The following NFE2L3 variants were observed in gnomAD, a reference collection of about 807,000 sequenced individuals.
NFE2L3 encodes nuclear factor erythroid 2-related factor 3.
NFE2L3 carries 18 observed loss-of-function variants against 23.5 expected under a neutral mutation model. That is an observed-to-expected ratio of 0.77 (90% CI 0.53 to 1.13). The LOEUF (loss-of-function observed/expected upper bound fraction) is 1.13. Among genes scored for constraint, NFE2L3 ranks in the 50% most tolerant of loss-of-function variants. NFE2L3 has a pLI of 0.00. For synonymous variants in NFE2L3, 424 were observed against 354.5 expected (o/e 1.20, Z -2.20); for missense variants, 1,152 against 877.2 (o/e 1.31, Z -3.96).
chr7:26,177,906 C>G (rs1784442971), intron 1 of NFE2L3, 37 bp from the exon 2 acceptor site: 3 of 1,577,296 alleles, frequency 1.9e-6, no homozygotes, highest in Non-Finnish European at 2.6e-6. Context: ...GTTTTAAAGA[C>G]TGTTTGCTTA....
Position 26,185,746 on chromosome 7 carries a change from G to C in NFE2L3, c.2048G>C (p.Gly683Ala). Reference protein sequence around the residue: ...LIVPKELVASGHKKETQKGKR... With the variant: ...LIVPKELVASAHKKETQKGKR... ...GTACCCAAAGAACTGGTGGCCTCAG[G>C]CCACAAAAAGGAAACCCAAAAGGGA... is the stretch of plus-strand genomic sequence containing the variant. Residue 683 changes from glycine (G) to alanine (A), a missense_variant, in exon 4 of 4, where the codon GGC becomes GCC. Physicochemically the swap from Gly to Ala is moderately conservative, Grantham distance 60. Coordinates refer to ENST00000056233, the MANE Select transcript of NFE2L3 (RefSeq NM_004289.7). 6.3e-7 allele frequency: 1 copy of C among 1,586,856 alleles called. No homozygotes were observed. Among genetic ancestry groups the C allele is most frequent in the Non-Finnish European group, 8.5e-7 (1 of 1,173,290 alleles).
Position 26,178,013 on chromosome 7 carries a change from G to T in NFE2L3, c.641G>T (p.Arg214Met), listed in dbSNP as rs1290129412. 1 of 1,614,106 alleles carries T rather than the reference G, an allele frequency of 6.2e-7. No individual in the cohort carries two copies. The highest frequency in any genetic ancestry group is 8.5e-7 in the Non-Finnish European group (1 of 1,180,004). ...HSSQHEENEE[R>M]VSAQKENSLQ... The stretch of plus-strand genomic sequence containing the variant: ...TCCCAGCATGAGGAAAATGAAGAAA[G>T]GGTGTCAGCCCAGAAGGAGAACTCA... Residue 214 changes from arginine to methionine, a missense_variant, in exon 2 of 4, where the codon AGG becomes ATG. Transcript: ENST00000056233.
Position 26,184,885 on chromosome 7 carries a change from C to T in NFE2L3, c.1187C>T (p.Ser396Leu), listed in dbSNP as rs753825801. 1.2e-6 allele frequency: 2 copies of T among 1,613,916 alleles called. No homozygotes were observed. Among genetic ancestry groups the T allele is most frequent in the African/African-American group, 1.3e-5 (1 of 75,058 alleles). The part of the protein sequence containing the change: ...INIFDEINLM[S>L]LATEDNFDPI... Reference sequence around the variant, plus strand: ...ATATTTGATGAGATAAACTTAATGTCATTGGCCACAGAAGACAACTTTGAT... The same window carrying T: ...ATATTTGATGAGATAAACTTAATGTTATTGGCCACAGAAGACAACTTTGAT... The change falls in exon 4 of 4, where the codon TCA (serine) becomes TTA (leucine). Residue 396 changes from serine to leucine, a missense_variant. Physicochemically the swap from Ser to Leu is moderately radical, Grantham distance 145. Transcript: ENST00000056233.
In NFE2L3 at chr7:26,185,017, C is replaced by G. The variant is rs140407138; in HGVS notation, c.1319C>G (p.Ser440Cys). Residue 440 changes from serine to cysteine, a missense_variant, in exon 4 of 4, where the codon TCT becomes TGT. By Grantham distance (112) the Ser-to-Cys change is moderately radical. Coordinates refer to ENST00000056233, the MANE Select transcript of NFE2L3 (RefSeq NM_004289.7). ...GTCATCAAGTCTAATTCCTCTCACTCTGTGTGTGATGAAGGTGCTATAGGT... is the reference window on the plus strand; with the variant it reads ...GTCATCAAGTCTAATTCCTCTCACTGTGTGTGTGATGAAGGTGCTATAGGT... The part of the protein sequence containing the change: ...TSVIKSNSSH[S>C]VCDEGAIGYC... 238 of 1,613,796 alleles carry G rather than the reference C, an allele frequency of 1.5e-4. No individual in the cohort carries two copies. Among genetic ancestry groups the G allele is most frequent in the Middle Eastern group, 1.7e-4 (1 of 6,054 alleles).
At chr7:26,167,980 A>C (rs1784276222) in intron 1 of NFE2L3, among the ~76,000 whole-genome samples, 1 of 152,050 alleles carries the variant, frequency 6.6e-6, no homozygotes, top group South Asian at 2.1e-4. Context: ...GTGTGGTTAC[A>C]TGAGTGAGTT....
chr7:26,170,396 C>T (rs1343235822), intron 1 of NFE2L3, among the ~76,000 whole-genome samples: 2 of 152,134 alleles, frequency 1.3e-5, no homozygotes, highest in East Asian at 1.9e-4. Flanking sequence ...ATATTCACCC[C>T]CTCGTTTCCT....
At position 26,186,718 on chromosome 7, in the gene NFE2L3, G is replaced by C. The variant is rs998059495; in HGVS notation, c.*935G>C. 3 of 152,160 alleles carry C rather than the reference G, an allele frequency of 2.0e-5. No individual in the cohort carries two copies. Among genetic ancestry groups the C allele is most frequent in the African/African-American group, 7.2e-5 (3 of 41,434 alleles). The allele number at this position is 152,160 out of a possible 1,614,324, so 9.4% of individuals were successfully genotyped here. On this transcript the variant is annotated 3_prime_UTR_variant, in exon 4 of 4. Transcript: ENST00000056233. ...CAGAACACTGTAAGCCATATAAACA[G>C]TAGGGAAAGAGTCAGCAACAGTGAA...
rs933476324 is a variant in NFE2L3, at chr7:26,152,652, C to T, written c.154C>T (p.Pro52Ser). ...GGACGAGCTGCTGTTCCTGGGCGGC[C>T]CGGCCAGCTCCGCCTACGCGCTCAG... is the stretch of plus-strand genomic sequence containing the variant. ...LQDELLFLGG[P>S]ASSAYALSPF... Residue 52 changes from proline (P) to serine (S), a missense_variant, in exon 1 of 4, where the codon CCG (proline) becomes TCG (serine). Physicochemically the swap from Pro to Ser is moderately conservative, Grantham distance 74. Coordinates refer to ENST00000056233, the MANE Select transcript of NFE2L3 (RefSeq NM_004289.7). The surrounding 1 kb of genome is among the most constrained non-coding windows in gnomAD (Gnocchi z 4.4). 3.3e-6 allele frequency: 5 copies of T among 1,500,760 alleles called. No homozygotes were observed. The highest frequency in any genetic ancestry group is 4.4e-6 in the Non-Finnish European group (5 of 1,133,082). The allele number at this position is 1,500,760 out of a possible 1,614,324, so 93.0% of individuals were successfully genotyped here.
chr7:26,154,716 A>AT (rs982963903), intron 1 of NFE2L3, among the ~76,000 whole-genome samples: 2 of 152,034 alleles, frequency 1.3e-5, no homozygotes, highest in African/African-American at 4.8e-5. Context: ...ATACTGGCTG[A>AT]TTTTTTGTAG....
intron 2 of NFE2L3, 133 bp downstream of exon 2, chr7:26,178,255 C>A (rs1357335353): frequency 2.9e-6 from 2 of 694,558 alleles, no homozygotes; most frequent in Admixed American, 3.1e-5. Flanking sequence ...TATGAAAATA[C>A]CTATGTCTTT....
intron 1 of NFE2L3, among the ~76,000 whole-genome samples, chr7:26,176,418 A>G (rs1420806290): frequency 6.6e-6 from 1 of 152,116 alleles, no homozygotes; most frequent in Non-Finnish European, 1.5e-5. Flanking sequence ...GTCACTTCAC[A>G]CTTGGAAGAT....
At chr7:26,183,658 CAGTCTTTTATGTGAAAG>C (rs766287066) in intron 2 of NFE2L3, 26 bp from the exon 3 acceptor site, 5 of 1,230,440 alleles carry the variant, frequency 4.1e-6, no homozygotes, top group Middle Eastern at 1.9e-4. Flanking sequence ...CCAACCAGTT[CAGTCTTTTATGTGAAAG>C]ATGCACTTTT....
intron 3 of NFE2L3, chr7:26,184,134 C>T: frequency 2.9e-6 from 1 of 344,326 alleles, no homozygotes; most frequent in Non-Finnish European, 5.3e-6. Flanking sequence ...AGTTTTAGCG[C>T]TTAGAGGCAT....
At position 26,185,557 on chromosome 7, in the gene NFE2L3, T is replaced by C. The variant is rs779111389; in HGVS notation, c.1859T>C (p.Leu620Pro). The change falls in exon 4 of 4, where the codon CTT becomes CCT. Residue 620 changes from leucine to proline, a missense_variant. Coordinates refer to ENST00000056233, the MANE Select transcript of NFE2L3 (RefSeq NM_004289.7). ...VCNLQAKKET[L>P]KREQAQCNKA... is the part of the protein sequence containing the mutation. ...AACTTGCAAGCAAAGAAGGAAACTC[T>C]TAAGAGAGAGCAAGCACAATGTAAC... is the stretch of plus-strand genomic sequence containing the variant. 3 of 1,613,806 alleles carry C rather than the reference T, an allele frequency of 1.9e-6. No individual in the cohort carries two copies. Among genetic ancestry groups the C allele is most frequent in the South Asian group, 1.1e-5 (1 of 91,056 alleles).
At chr7:26,153,350 G>T (rs1784028448) in intron 1 of NFE2L3, among the ~76,000 whole-genome samples, 1 of 152,224 alleles carries the variant, frequency 6.6e-6, no homozygotes, top group Non-Finnish European at 1.5e-5. Context: ...GTAGTTCGGG[G>T]ATGGGGAGGG....
At chr7:26,175,643 G>T (rs1784390531) in intron 1 of NFE2L3, among the ~76,000 whole-genome samples, 1 of 151,808 alleles carries the variant, frequency 6.6e-6, no homozygotes, top group African/African-American at 2.4e-5. Flanking sequence ...GCCGGGTGTG[G>T]TGCCGGGCAC....
At chr7:26,181,452 T>C (rs765718098) in intron 2 of NFE2L3, among the ~76,000 whole-genome samples, 7 of 152,060 alleles carry the variant, frequency 4.6e-5, no homozygotes, top group African/African-American at 1.7e-4. Context: ...TGGGGACTGG[T>C]ACAATTCTAG....
rs10275457 is a variant in NFE2L3 at position 26,177,931 on chromosome 7, G to C, written c.571-12G>C. ...CTGTTTGCTTATTTGATGAAATTTCGTACTTTTATAGGAGAATGGGGTACT... is the reference window on the plus strand; with the variant it reads ...CTGTTTGCTTATTTGATGAAATTTCCTACTTTTATAGGAGAATGGGGTACT... On this transcript the variant is annotated splice_polypyrimidine_tract_variant and intron_variant, in intron 1 of 3. Coordinates refer to ENST00000056233, the MANE Select transcript of NFE2L3 (RefSeq NM_004289.7). 26 of 1,602,316 alleles carry C rather than the reference G, an allele frequency of 1.6e-5. No individual in the cohort carries two copies. The African/African-American group carries it at 2.0e-4, about 12-fold the overall frequency.
intron 2 of NFE2L3, among the ~76,000 whole-genome samples, chr7:26,181,654 G>T (rs1784512531): frequency 6.6e-6 from 1 of 152,102 alleles, no homozygotes; most frequent in Non-Finnish European, 1.5e-5. Flanking sequence ...AATTAAAAAT[G>T]ACATAAATAG....
Sources: gnomAD v4.1 joint callset for allele counts (sites outside exome capture counted in the v4.1 genomes callset) on GRCh38, gnomAD v4.1.1 for gene constraint, Gnocchi (gnomAD v3.1) non-coding constraint, MANE v1.5 for transcripts, NCBI Gene and HGNC (gene_info 2026-07-23, HGNC 2026-07-21) for gene names.